The following CDCA8 variants were observed in gnomAD, a reference collection of about 807,000 sequenced individuals.
CDCA8 encodes the protein borealin.
In CDCA8, 25 loss-of-function variants were observed where a neutral mutation model predicts 40.0. That is an observed-to-expected ratio of 0.63 (90% CI 0.46 to 0.87). The LOEUF (loss-of-function observed/expected upper bound fraction) is 0.87. Among genes scored for constraint, CDCA8 ranks in the 40% least tolerant of loss-of-function variants. CDCA8 has a pLI of 0.00. For synonymous variants in CDCA8, 111 were observed against 126.5 expected, an observed-to-expected ratio of 0.88 and a Z score of 0.82; for missense variants, 280 against 348.4, an observed-to-expected ratio of 0.80 and a Z score of 1.56.
At chr1:37,707,245 TG>T (rs776518828) in intron 9 of CDCA8, among the ~76,000 whole-genome samples, 181 bp downstream of exon 9, 11 of 152,342 alleles carry the variant, frequency 7.2e-5, no homozygotes, top group Admixed American at 6.5e-4. Flanking sequence ...GTTCCTCAGT[TG>T]ATGTTGAGTT....
rs1484505617 is a variant in CDCA8 at position 37,693,539 on chromosome 1, C to T, written c.223+506C>T. On this transcript the variant is annotated intron_variant, in intron 2 of 9. Coordinates refer to ENST00000373055, the MANE Select transcript of CDCA8 (RefSeq NM_001256875.2). ...TCAGCCTCTGGAGTGGCTGGGATTA[C>T]GGTCGCCTGCCACCATGCCCCGCTG... 4.5e-4 allele frequency among the ~76,000 whole-genome samples: 69 copies of T among 152,046 alleles called. 1 individual carries two copies. The highest frequency in any genetic ancestry group is 2.1e-4 in the South Asian group (1 of 4,812).
chr1:37,705,531 A>G lies in CDCA8; in HGVS notation c.675A>G (p.Lys225=), dbSNP rs768479739. Residue 225 remains lysine, a synonymous_variant, in exon 8 of 10, where the codon AAA becomes AAG. Transcript: ENST00000373055. ...ATGGCAGCCCTCTTGCTGACAGCAA[A>G]GAGATCTTCCTCACTGTGCCAGTGG... ...SGNGSPLADS[K]EIFLTVPVGG... 3 of 1,613,824 alleles carry G rather than the reference A, an allele frequency of 1.9e-6. No homozygotes were observed. In the East Asian group the frequency reaches 6.7e-5, roughly 36 times the overall value.
At chr1:37,700,363 C>A (rs1299950368) in intron 4 of CDCA8, 73 bp from the exon 5 acceptor site, 2 of 855,334 alleles carry the variant, frequency 2.3e-6, no homozygotes, top group Admixed American at 1.9e-5. Context: ...ACATTTTATT[C>A]CTATAAGAAA....
chr1:37,700,466 T>C lies in CDCA8; in HGVS notation c.368T>C (p.Ile123Thr). The change falls in exon 5 of 10, where the codon ATA becomes ACA. Residue 123 changes from isoleucine to threonine, a missense_variant. Transcript: ENST00000373055. ...AAGGTAATACAGGTAGATGAAATGA[T>C]AGTGGAAGAGGAAGAAGAAGAAGAA... ...TRKVIQVDEM[I>T]VEEEEEEENE... 2 of 1,610,396 alleles carry C rather than the reference T, an allele frequency of 1.2e-6. No homozygotes were observed. The highest frequency in any genetic ancestry group is 1.7e-6 in the Non-Finnish European group (2 of 1,176,766).
In CDCA8 at chr1:37,692,557, A is replaced by C; in HGVS notation, c.-134A>C. On this transcript the variant is annotated 5_prime_UTR_variant, in exon 1 of 10. Transcript: ENST00000373055. ...TCACTGGCACAGCGAGGTTTTGCTC[A>C]GCCCTTGTCTCGGGACCGCAGGTAC... 1.4e-6 allele frequency: 1 copy of C among 707,544 alleles called. No homozygotes were observed. Among genetic ancestry groups the C allele is most frequent in the Non-Finnish European group, 2.5e-6 (1 of 396,472 alleles). 43.8% of individuals were successfully genotyped at this position (707,544 alleles called of 1,614,324 possible). A position where few individuals can be genotyped will look rare whatever the true frequency, so the allele number is the denominator to read the frequency against.
chr1:37,692,988 C>A lies in CDCA8; in HGVS notation c.178C>A (p.Arg60=), dbSNP rs1337508041. Residue 60 remains arginine, a synonymous_variant, in exon 2 of 10, where the codon CGG becomes AGG. Coordinates refer to ENST00000373055, the MANE Select transcript of CDCA8 (RefSeq NM_001256875.2). Reference sequence around the variant, plus strand: ...TAACCTCTACAACATCGAGATCCTGCGGCTCCCCAAGGCTCTGCGCGAGAT... The same window carrying A: ...TAACCTCTACAACATCGAGATCCTGAGGCTCCCCAAGGCTCTGCGCGAGAT... ...VDNLYNIEIL[R]LPKALREMNW... is the part of the protein sequence containing the mutation. The A allele has an allele frequency of 1.9e-6, 3 of 1,614,020 alleles. No individual in the cohort carries two copies. In the South Asian group the frequency reaches 3.3e-5, roughly 18 times the overall value.
At chr1:37,694,363 TTTTA>T (rs1184120110) in intron 2 of CDCA8, among the ~76,000 whole-genome samples, 3 of 152,244 alleles carry the variant, frequency 2.0e-5, no homozygotes, top group African/African-American at 7.2e-5. Flanking sequence ...TGACTTGCCC[TTTTA>T]TTTATTAAGC....
intron 5 of CDCA8, among the ~76,000 whole-genome samples, chr1:37,700,750 G>A (rs1645558158): frequency 6.6e-6 from 1 of 152,198 alleles, no homozygotes; most frequent in African/African-American, 2.4e-5. Flanking sequence ...CTTTCAAGGT[G>A]AGTGAGAGTC....
At chr1:37,694,894 G>A (rs982353969) in intron 2 of CDCA8, among the ~76,000 whole-genome samples, 9 of 152,184 alleles carry the variant, frequency 5.9e-5, no homozygotes, top group African/African-American at 1.9e-4. Context: ...CATTCAACAC[G>A]TTTACTGTAC....
chr1:37,705,660 T>A (rs1645594471), intron 8 of CDCA8, 93 bp downstream of exon 8: 1 of 1,460,942 alleles, frequency 6.8e-7, no homozygotes, highest in Non-Finnish European at 9.4e-7. Context: ...ACCCTCAGAG[T>A]CCTTTCAGTG....
At chr1:37,692,818 G>C (rs565289223) in intron 1 of CDCA8, 34 bp downstream of exon 1, 3 of 1,613,114 alleles carry the variant, frequency 1.9e-6, no homozygotes, top group East Asian at 4.5e-5. Flanking sequence ...CTCCTGGGGC[G>C]GTCGCGGGAT....
In CDCA8 at chr1:37,692,624, C is replaced by A; in HGVS notation, c.-67C>A. The stretch of plus-strand genomic sequence containing the variant: ...TCGGGTGGTCCCCGTCCGCCCTCCT[C>A]GTCCCTACCCAGTTTCTTGCTTCCC... On this transcript the variant is annotated 5_prime_UTR_variant, in exon 1 of 10. Transcript: ENST00000373055. The A allele has an allele frequency of 1.5e-6, 2 of 1,306,470 alleles. No individual in the cohort carries two copies. The highest frequency in any genetic ancestry group is 2.4e-5 in the East Asian group (1 of 41,612). The allele number at this position is 1,306,470 out of a possible 1,614,324, so 80.9% of individuals were successfully genotyped here. A position where few individuals can be genotyped will look rare whatever the true frequency, so the allele number is the denominator to read the frequency against.
Position 37,696,740 on chromosome 1 carries a change from AT to A in CDCA8, c.264+793del, listed in dbSNP as rs1557515875. On this transcript the variant is annotated intron_variant, in intron 3 of 9. Coordinates refer to ENST00000373055, the MANE Select transcript of CDCA8 (RefSeq NM_001256875.2). The surrounding 1 kb of genome is among the most constrained non-coding windows in gnomAD (Gnocchi z 5.0). ...GTTAGTTTATTGTAGCCTTGATCAG[AT>A]TTACAAAGTAAACCCCAAAATTACA... Among the ~76,000 whole-genome samples the A allele has an allele frequency of 6.6e-6, 1 of 152,222 alleles. No individual in the cohort carries two copies. The highest frequency in any genetic ancestry group is 2.4e-5 in the African/African-American group (1 of 41,464).
chr1:37,698,945 A>C lies in CDCA8; in HGVS notation c.305A>C (p.Glu102Ala), dbSNP rs1411981764. 1 of 1,613,880 alleles carries C rather than the reference A, an allele frequency of 6.2e-7. No homozygotes were observed. The highest frequency in any genetic ancestry group is 8.5e-7 in the Non-Finnish European group (1 of 1,179,760). ...DITEINKLTA[E>A]AIQTPLKSAK... ...ACCGAAATAAACAAACTAACAGCAG[A>C]AGCTATTCAGACACCCCTGAAATCT... Residue 102 changes from glutamate (E) to alanine (A), a missense_variant, in exon 4 of 10, where the codon GAA (glutamate) becomes GCA (alanine). Coordinates refer to ENST00000373055, the MANE Select transcript of CDCA8 (RefSeq NM_001256875.2).
intron 3 of CDCA8, among the ~76,000 whole-genome samples, chr1:37,698,245 C>G (rs1413256100): frequency 6.6e-6 from 1 of 152,146 alleles, no homozygotes; most frequent in Admixed American, 6.5e-5. Flanking sequence ...TGGCATAATG[C>G]GAAGGCTGAA....
At position 37,692,714 on chromosome 1, in the gene CDCA8, T is replaced by G. The variant is rs1294841074; in HGVS notation, c.24T>G (p.Ser8Arg). ...CCATGGCTCCTAGGAAGGGCAGTAG[T>G]CGGGTGGCCAAGACCAACTCCTTAC... MAPRKGS[S>R]RVAKTNSLRR... Residue 8 changes from serine to arginine, a missense_variant, in exon 1 of 10, where the codon AGT (serine) becomes AGG (arginine). Transcript: ENST00000373055. The G allele has an allele frequency of 6.2e-7, 1 of 1,613,228 alleles. No homozygotes were observed. The highest frequency in any genetic ancestry group is 1.7e-5 in the Admixed American group (1 of 60,008).
At chr1:37,704,569 A>G (rs1385633856) in intron 7 of CDCA8, among the ~76,000 whole-genome samples, 1 of 149,574 alleles carries the variant, frequency 6.7e-6, no homozygotes, top group African/African-American at 2.5e-5. Flanking sequence ...CCTGGGGAGG[A>G]GAGCAAGAAG....
At chr1:37,704,370 G>A (rs925120317) in intron 7 of CDCA8, among the ~76,000 whole-genome samples, 2 of 152,188 alleles carry the variant, frequency 1.3e-5, no homozygotes, top group African/African-American at 4.8e-5. Flanking sequence ...AAAGAACCTA[G>A]TTGACCAAAT....
intron 9 of CDCA8, among the ~76,000 whole-genome samples, 166 bp from the exon 10 acceptor site, chr1:37,708,152 CACTT>C (rs1454309567): frequency 6.6e-6 from 1 of 152,196 alleles, no homozygotes; most frequent in East Asian, 1.9e-4. Context: ...TTTACTGTCT[CACTT>C]GAGTTGTTAT....
Sources: gnomAD v4.1 joint callset for allele counts (sites outside exome capture counted in the v4.1 genomes callset) on GRCh38, gnomAD v4.1.1 for gene constraint, Gnocchi (gnomAD v3.1) non-coding constraint, MANE v1.5 for transcripts, NCBI Gene and HGNC (gene_info 2026-07-23, HGNC 2026-07-21) for gene names.